Variants in MBD5 observed in about 807,000 individuals in gnomAD.
MBD5 encodes the protein methyl-CpG binding domain protein 5, also known as methyl-CpG-binding domain protein 5.
In MBD5, 13 loss-of-function variants were observed where a neutral mutation model predicts 117.3. The observed-to-expected ratio is 0.11, with a 90% CI of 0.07 to 0.18. The LOEUF is 0.18. MBD5 is among the 10% of genes least tolerant of loss of function. MBD5 has a pLI of 1.00. For missense variants in MBD5, 1,879 were observed against 2,093.8 expected (o/e 0.90, Z 2.00); for synonymous variants, 727 against 766.4 (o/e 0.95, Z 0.85).
In MBD5 at chr2:148,470,036, T is replaced by C. The variant is rs1395728472; in HGVS notation, c.2093T>C (p.Ile698Thr). The C allele has an allele frequency of 1.7e-5, 27 of 1,613,722 alleles. No individual in the cohort carries two copies. The highest frequency in any genetic ancestry group is 2.3e-5 in the Non-Finnish European group (27 of 1,179,872). ...LRKQGQGSFP[I>T]SSMSQLLQSM... Reference sequence around the variant, plus strand: ...AAGCAGGGTCAGGGTTCATTTCCCATCAGTTCAATGTCTCAGTTACTACAG... The same window carrying C: ...AAGCAGGGTCAGGGTTCATTTCCCACCAGTTCAATGTCTCAGTTACTACAG... Residue 698 changes from isoleucine to threonine, a missense_variant, in exon 8 of 14, where the codon ATC becomes ACC. Physicochemically the swap from Ile to Thr is moderately conservative, Grantham distance 89. Coordinates refer to ENST00000642680, the MANE Select transcript of MBD5 (RefSeq NM_001378120.1).
intron 8 of MBD5, among the ~76,000 whole-genome samples, chr2:148,474,204 A>AGT (rs1323074074): frequency 6.6e-6 from 1 of 152,180 alleles, no homozygotes; most frequent in African/African-American, 2.4e-5. Context: ...TCCAAAATCA[A>AGT]GTGCCCTTGC....
At chr2:148,512,631 A>G (rs1258687478) in intron 13 of MBD5, among the ~76,000 whole-genome samples, 8 of 152,180 alleles carry the variant, frequency 5.3e-5, no homozygotes, top group Non-Finnish European at 8.8e-5. Context: ...TCCACTGTCT[A>G]TTGGCACCCG....
At chr2:148,034,396 G>A (rs1694128595) in intron 1 of MBD5, among the ~76,000 whole-genome samples, 1 of 152,078 alleles carries the variant, frequency 6.6e-6, no homozygotes, top group South Asian at 2.1e-4. Flanking sequence ...TAATAGGTAT[G>A]ATTATCCTCG....
chr2:148,097,305 C>A (rs1256250068), intron 1 of MBD5, among the ~76,000 whole-genome samples: 1 of 152,140 alleles, frequency 6.6e-6, no homozygotes, highest in Non-Finnish European at 1.5e-5. Flanking sequence ...TTATATTGAT[C>A]CATTCATTCA....
intron 3 of MBD5, among the ~76,000 whole-genome samples, chr2:148,258,803 C>T (rs560005540): frequency 6.6e-6 from 1 of 152,316 alleles, no homozygotes; most frequent in South Asian, 2.1e-4. Context: ...CTTGTTGAGG[C>T]CCCCTTTTCT....
intron 3 of MBD5, among the ~76,000 whole-genome samples, chr2:148,291,726 G>A (rs1318308563): frequency 6.6e-6 from 1 of 151,990 alleles, no homozygotes; most frequent in African/African-American, 2.4e-5. Context: ...ATCCTAAAAT[G>A]TATATGGAAT....
intron 1 of MBD5, among the ~76,000 whole-genome samples, chr2:148,094,051 T>TGTC (rs1696004713): frequency 6.6e-6 from 1 of 152,196 alleles, no homozygotes; most frequent in South Asian, 2.1e-4. Flanking sequence ...TGAAGAGACA[T>TGTC]GCCCATGATC....
chr2:148,458,378 G>T lies in MBD5; in HGVS notation c.-381G>T, dbSNP rs912209922. 6 of 471,194 alleles carry T rather than the reference G, an allele frequency of 1.3e-5. No individual in the cohort carries two copies. The highest frequency in any genetic ancestry group is 2.2e-5 in the Non-Finnish European group (6 of 268,328). 29.2% of individuals were successfully genotyped at this position (471,194 alleles called of 1,614,324 possible). A position where few individuals can be genotyped will look rare whatever the true frequency, so the allele number is the denominator to read the frequency against. ...ATGAGACCAGTTTCTAAACAATAGAGATTGTCTTAGTACAACATCAAGGTT... is the reference window on the plus strand; with the variant it reads ...ATGAGACCAGTTTCTAAACAATAGATATTGTCTTAGTACAACATCAAGGTT... On this transcript the variant is annotated 5_prime_UTR_variant, in exon 5 of 14. Transcript: ENST00000642680.
chr2:148,222,878 T>C (rs1699724976), intron 2 of MBD5, among the ~76,000 whole-genome samples: 1 of 152,134 alleles, frequency 6.6e-6, no homozygotes, highest in Non-Finnish European at 1.5e-5. Context: ...TTTTAGCTTT[T>C]CCATATTCAG....
At chr2:148,439,392 G>A (rs1706251227) in intron 4 of MBD5, among the ~76,000 whole-genome samples, 1 of 152,138 alleles carries the variant, frequency 6.6e-6, no homozygotes, top group South Asian at 2.1e-4. Context: ...GCAATGATAA[G>A]TTAATATGAT....
chr2:148,335,463 A>T (rs1702761326), intron 3 of MBD5, among the ~76,000 whole-genome samples: 1 of 152,188 alleles, frequency 6.6e-6, no homozygotes, highest in Non-Finnish European at 1.5e-5. Flanking sequence ...TCACACCTGT[A>T]ATCCTAGCAC....
At chr2:148,103,663 C>G (rs1441577967) in intron 1 of MBD5, among the ~76,000 whole-genome samples, 1 of 151,964 alleles carries the variant, frequency 6.6e-6, no homozygotes, top group African/African-American at 2.4e-5. Flanking sequence ...TCATAGATCC[C>G]CTGGATTTTT....
chr2:148,323,619 T>C (rs1702352207), intron 3 of MBD5, among the ~76,000 whole-genome samples: 1 of 151,672 alleles, frequency 6.6e-6, no homozygotes, highest in Non-Finnish European at 1.5e-5. Context: ...TTTTTTCATG[T>C]GTTTTTTGGC....
At chr2:148,268,505 G>T (rs1700912223) in intron 3 of MBD5, among the ~76,000 whole-genome samples, 1 of 151,538 alleles carries the variant, frequency 6.6e-6, no homozygotes, top group Admixed American at 6.6e-5. Context: ...AATTTAGTTG[G>T]TAGGCTTAGT....
At chr2:148,226,285 C>G (rs1248373517) in intron 2 of MBD5, among the ~76,000 whole-genome samples, 2 of 152,012 alleles carry the variant, frequency 1.3e-5, no homozygotes, top group Non-Finnish European at 2.9e-5. Flanking sequence ...ACAACAGTCC[C>G]CGGTGTGTGA....
At chr2:148,325,839 G>A (rs1231967567) in intron 3 of MBD5, among the ~76,000 whole-genome samples, 1 of 151,968 alleles carries the variant, frequency 6.6e-6, no homozygotes, top group Non-Finnish European at 1.5e-5. Context: ...ATTTCCTTCA[G>A]TTCTGCTCTG....
At chr2:148,345,300 G>T (rs1703063075) in intron 4 of MBD5, among the ~76,000 whole-genome samples, 1 of 131,946 alleles carries the variant, frequency 7.6e-6, no homozygotes, top group African/African-American at 3.5e-5. Context: ...CAGTGTTTTG[G>T]GTATATATAC....
At chr2:148,402,483 A>T (rs901383178) in intron 4 of MBD5, among the ~76,000 whole-genome samples, 1 of 152,138 alleles carries the variant, frequency 6.6e-6, no homozygotes, top group African/African-American at 2.4e-5. Context: ...TACAACCACC[A>T]AAAGTTTTCT....
chr2:148,456,101 A>T (rs1706871884), intron 4 of MBD5, among the ~76,000 whole-genome samples: 1 of 152,140 alleles, frequency 6.6e-6, no homozygotes, highest in Admixed American at 6.6e-5. Context: ...ATTAGTGCCA[A>T]ATATTACACT....
Sources: gnomAD v4.1 joint callset for allele counts (sites outside exome capture counted in the v4.1 genomes callset) on GRCh38, gnomAD v4.1.1 for gene constraint, MANE v1.5 for transcripts, NCBI Gene and HGNC (gene_info 2026-07-23, HGNC 2026-07-21) for gene names.